Variants in SNX18 observed in about 807,000 individuals in gnomAD.
SNX18 encodes the protein sorting nexin-18.
In SNX18, 35 loss-of-function variants were observed where a neutral mutation model predicts 48.7. The observed-to-expected ratio is 0.72, with a 90% confidence interval of 0.55 to 0.95. The LOEUF is 0.95. Among genes scored for constraint, SNX18 ranks in the 40% least tolerant of loss-of-function variants. The probability of loss-of-function intolerance (pLI) is 0.00; values close to 1 mark genes in which losing one functional copy is unlikely to be tolerated. For missense variants in SNX18, 824 were observed against 871.0 expected, an observed-to-expected ratio of 0.95 and a Z score of 0.68; for synonymous variants, 492 against 384.7, an observed-to-expected ratio of 1.28 and a Z score of -3.26.
chr5:54,601,792 G>A, the SNX18 span, among the ~76,000 whole-genome samples: 2 of 152,000 alleles, frequency 1.3e-5, no homozygotes, highest in Non-Finnish European at 2.9e-5. Context: ...GTGAACTGGG[G>A]TTTACGCTCC....
the SNX18 span, chr5:54,643,911 A>G: frequency 9.8e-5 from 15 of 152,356 alleles, no homozygotes; most frequent in African/African-American, 3.6e-4. Context: ...AGAGCCAGGG[A>G]AAAAACGTGA....
chr5:54,614,552 A>G, the SNX18 span, among the ~76,000 whole-genome samples: 1 of 152,170 alleles, frequency 6.6e-6, no homozygotes, highest in African/African-American at 2.4e-5. Flanking sequence ...CATGACTGTA[A>G]TCCCACCACT....
the SNX18 span, among the ~76,000 whole-genome samples, chr5:54,629,564 C>T: frequency 2.5e-4 from 38 of 152,178 alleles, no homozygotes; most frequent in Non-Finnish European, 4.9e-4. Context: ...AGCTTTAAGG[C>T]AGGTCAAGTC....
At chr5:54,534,804 A>G (rs989394260) in intron 1 of SNX18, among the ~76,000 whole-genome samples, 3 of 152,148 alleles carry the variant, frequency 2.0e-5, no homozygotes, top group African/African-American at 7.2e-5. Context: ...TACATCTGCT[A>G]GTGTGCTGGT....
chr5:54,615,192 A>C, the SNX18 span, among the ~76,000 whole-genome samples: 1 of 152,186 alleles, frequency 6.6e-6, no homozygotes, highest in Non-Finnish European at 1.5e-5. Flanking sequence ...CCAAAATTGT[A>C]GTAGGTAAAA....
chr5:54,562,586 C>T, the SNX18 span, among the ~76,000 whole-genome samples: 3 of 152,134 alleles, frequency 2.0e-5, no homozygotes, highest in South Asian at 2.1e-4. Flanking sequence ...CCTGTGTTTA[C>T]GGTGATGCTG....
At chr5:54,598,996 C>G in the SNX18 span, among the ~76,000 whole-genome samples, 1 of 152,110 alleles carries the variant, frequency 6.6e-6, no homozygotes, top group Non-Finnish European at 1.5e-5. Flanking sequence ...TTGTCTCAGC[C>G]CAAAACTTCT....
the SNX18 span, among the ~76,000 whole-genome samples, chr5:54,570,759 T>C: frequency 6.6e-6 from 1 of 152,176 alleles, no homozygotes; most frequent in Non-Finnish European, 1.5e-5. Context: ...ATTCCAAATA[T>C]TAAGGATATT....
downstream of SNX18, among the ~76,000 whole-genome samples, chr5:54,551,313 T>G (rs72765751): frequency 0.086 from 13,045 of 152,252 alleles, 772 homozygotes; most frequent in Admixed American, 0.16. Flanking sequence ...CAAATGTCAC[T>G]GGACCATAGT....
the SNX18 span, among the ~76,000 whole-genome samples, chr5:54,616,571 G>A: frequency 2.0e-5 from 3 of 152,054 alleles, no homozygotes; most frequent in Admixed American, 6.6e-5. Flanking sequence ...TCAGGAGTTC[G>A]AGACTGGCCA....
the SNX18 span, among the ~76,000 whole-genome samples, chr5:54,562,895 A>T: frequency 3.9e-5 from 6 of 152,188 alleles, no homozygotes; most frequent in African/African-American, 1.4e-4. Context: ...CAAGATGTGG[A>T]GGTGGAAGAC....
the SNX18 span, among the ~76,000 whole-genome samples, chr5:54,603,419 C>A: frequency 1.3e-5 from 2 of 151,946 alleles, no homozygotes; most frequent in African/African-American, 2.4e-5. Context: ...GAATTTTTAA[C>A]CTAAGGACTG....
intron 1 of SNX18, among the ~76,000 whole-genome samples, chr5:54,537,385 A>G (rs903221586): frequency 6.6e-6 from 1 of 152,192 alleles, no homozygotes; most frequent in Admixed American, 6.5e-5. Context: ...TTCTTTTCAT[A>G]ATAAAATCGT....
At chr5:54,624,311 A>C in the SNX18 span, among the ~76,000 whole-genome samples, 1 of 152,168 alleles carries the variant, frequency 6.6e-6, no homozygotes, top group Admixed American at 6.5e-5. Flanking sequence ...ACTTTTCATC[A>C]TGGGCAGTTA....
the SNX18 span, among the ~76,000 whole-genome samples, chr5:54,611,565 G>A: frequency 5.9e-5 from 9 of 152,116 alleles, no homozygotes; most frequent in African/African-American, 1.9e-4. Context: ...ACAACTTAAG[G>A]GGAGGAAGAA....
At chr5:54,537,358 TA>T (rs1762377331) in intron 1 of SNX18, among the ~76,000 whole-genome samples, 1 of 152,242 alleles carries the variant, frequency 6.6e-6, no homozygotes, top group Non-Finnish European at 1.5e-5. Flanking sequence ...AATCTCTATT[TA>T]ATGTGCACCT....
the SNX18 span, among the ~76,000 whole-genome samples, chr5:54,631,723 G>T: frequency 6.6e-6 from 1 of 152,220 alleles, no homozygotes; most frequent in Non-Finnish European, 1.5e-5. Context: ...TAGAAGTCAA[G>T]AGGAGGAACC....
chr5:54,640,029 A>G, the SNX18 span, among the ~76,000 whole-genome samples: 1 of 152,162 alleles, frequency 6.6e-6, no homozygotes, highest in Non-Finnish European at 1.5e-5. Flanking sequence ...TAAGTGAATG[A>G]GACTGAACAT....
At chr5:54,633,669 G>A in the SNX18 span, among the ~76,000 whole-genome samples, 1 of 152,212 alleles carries the variant, frequency 6.6e-6, no homozygotes, top group Non-Finnish European at 1.5e-5. Context: ...CTGTAACAGT[G>A]TGTGGTAGAA....
Sources: gnomAD v4.1 joint callset for allele counts (sites outside exome capture counted in the v4.1 genomes callset) on GRCh38, gnomAD v4.1.1 for gene constraint, MANE v1.5 for transcripts, NCBI Gene and HGNC (gene_info 2026-07-23, HGNC 2026-07-21) for gene names.